Variants in PARP4 observed in about 807,000 individuals in gnomAD.
PARP4 encodes protein mono-ADP-ribosyltransferase PARP4.
A neutral mutation model predicts 187.7 loss-of-function variants in PARP4; 120 were observed. The observed-to-expected ratio is 0.64, with a 90% CI of 0.55 to 0.74. The LOEUF is 0.74. PARP4 is among the 30% of genes least tolerant of loss of function. PARP4 has a pLI of 0.00. For missense variants in PARP4, 1,836 were observed against 2,070.5 expected, an observed-to-expected ratio of 0.89 and a Z score of 2.20; for synonymous variants, 654 against 740.9, an observed-to-expected ratio of 0.88 and a Z score of 1.90.
chr13:24,442,614 T>C lies in PARP4; in HGVS notation c.3519A>G (p.Thr1173=), dbSNP rs762634422. The change falls in exon 29 of 34, where the codon ACA becomes ACG. Residue 1173 remains threonine (T), a synonymous_variant. Transcript: ENST00000381989. ...SKENSLITQF[T]SFVAVEKRDE... ...CCCTTTTCTCAACTGCCACAAAGCT[T>C]GTAAATTGTGTTATGAGAGAGTTTT... 7 of 1,593,046 alleles carry C rather than the reference T, an allele frequency of 4.4e-6. No homozygotes were observed. The South Asian group carries it at 7.7e-5, about 18-fold the overall frequency.
chr13:24,457,310 T>C (rs1282773590), intron 20 of PARP4, among the ~76,000 whole-genome samples: 1 of 152,192 alleles, frequency 6.6e-6, no homozygotes, highest in East Asian at 1.9e-4. Context: ...CCCTTTGCAA[T>C]GTGACTTTTG....
At chr13:24,475,927 G>A (rs1272663054) in intron 14 of PARP4, among the ~76,000 whole-genome samples, 2 of 151,970 alleles carry the variant, frequency 1.3e-5, no homozygotes, top group African/African-American at 4.8e-5. Flanking sequence ...TGGGACTATA[G>A]GCATGCACCA....
intron 1 of PARP4, among the ~76,000 whole-genome samples, chr13:24,504,059 G>C (rs1293089459): frequency 6.6e-6 from 1 of 152,122 alleles, no homozygotes; most frequent in Non-Finnish European, 1.5e-5. Context: ...ACAGATTTAA[G>C]TTACAGATCA....
intron 5 of PARP4, among the ~76,000 whole-genome samples, 164 bp downstream of exon 5, chr13:24,499,137 A>T (rs1233735804): frequency 6.6e-6 from 1 of 152,116 alleles, no homozygotes; most frequent in Non-Finnish European, 1.5e-5. Flanking sequence ...CACAAAAATA[A>T]ATATATAAAT....
At position 24,498,225 on chromosome 13, in the gene PARP4, C is replaced by A. The variant is rs1206480451; in HGVS notation, c.482G>T (p.Gly161Val). 6.2e-7 allele frequency: 1 copy of A among 1,610,516 alleles called. No homozygotes were observed. The highest frequency in any genetic ancestry group is 1.7e-5 in the Admixed American group (1 of 60,006). ...CACAGCTTCCTGGCCTCCCTCCATT[C>A]CCACCTGGAAAACAGGATGTGCTTT... ...VAKYNTLEKV[G>V]MEGGQEAVVV... The change falls in exon 6 of 34, where the codon GGA (glycine) becomes GTA (valine). Residue 161 changes from glycine to valine, a missense_variant. Around this residue, in one of 8 missense-constraint regions of PARP4, gnomAD observed 1,147 missense variants for 1,214.2 expected, o/e 0.94. Transcript: ENST00000381989.
At position 24,484,667 on chromosome 13, in the gene PARP4, GA is replaced by G. The variant is rs1223050061; in HGVS notation, c.1433del (p.Phe478SerfsTer28). On this transcript the variant is annotated frameshift_variant, in exon 12 of 34. Coordinates refer to ENST00000381989, the MANE Select transcript of PARP4 (RefSeq NM_006437.4). LOFTEE classifies it high-confidence loss of function. ...ATCGAACATACCTGAGCGAATCACT[GA>G]AATAAATCCCACTTCCAAGGTTTCC... ...DVGNLGSGIY[F>X]SDSLSTSIKY... is the part of the protein sequence containing the mutation. The G allele has an allele frequency of 6.2e-7, 1 of 1,608,044 alleles. No individual in the cohort carries two copies. Among genetic ancestry groups the G allele is most frequent in the African/African-American group, 1.3e-5 (1 of 74,844 alleles).
At chr13:24,436,944 G>A (rs1015619287) in intron 30 of PARP4, among the ~76,000 whole-genome samples, 1 of 152,034 alleles carries the variant, frequency 6.6e-6, no homozygotes, top group African/African-American at 2.4e-5. Context: ...CTAACCAGAG[G>A]TTAAATTTTT....
At chr13:24,474,087 C>T (rs975150003) in intron 15 of PARP4, among the ~76,000 whole-genome samples, 10 of 152,296 alleles carry the variant, frequency 6.6e-5, no homozygotes, top group African/African-American at 2.4e-4. Flanking sequence ...TGGCCCCCAA[C>T]CTGCCCTCCT....
chr13:24,480,367 C>T (rs1181517582), intron 12 of PARP4, among the ~76,000 whole-genome samples: 2 of 152,130 alleles, frequency 1.3e-5, no homozygotes, highest in Non-Finnish European at 2.9e-5. Flanking sequence ...TTAATAATAA[C>T]CCTACAGCGG....
chr13:24,502,159 G>A (rs1869335874), intron 2 of PARP4, among the ~76,000 whole-genome samples: 1 of 152,094 alleles, frequency 6.6e-6, no homozygotes, highest in Middle Eastern at 3.2e-3. Context: ...TTTCTTAGTA[G>A]TGGAAAGGGA....
At chr13:24,470,219 C>T (rs567669930) in intron 15 of PARP4, among the ~76,000 whole-genome samples, 194 bp from the exon 16 acceptor site, 25 of 152,328 alleles carry the variant, frequency 1.6e-4, no homozygotes, top group East Asian at 9.6e-4. Context: ...ACCAGTCCCA[C>T]GGTTAGGTGG....
In PARP4 at chr13:24,435,621, GA is replaced by G. The variant is rs143981238; in HGVS notation, c.3667-148del. On this transcript the variant is annotated intron_variant, in intron 30 of 33. Coordinates refer to ENST00000381989, the MANE Select transcript of PARP4 (RefSeq NM_006437.4). ...GATCATCAATGTGAGCTGGGATGTT[GA>G]AAATAACACCAGTGCTGCGTGCAGC... 4.5e-3 allele frequency: 3,858 copies of G among 855,510 alleles called. 105 individuals carry two copies. The African/African-American group carries it at 0.059, about 13-fold the overall frequency. 53.0% of individuals were successfully genotyped at this position (855,510 alleles called of 1,614,324 possible).
chr13:24,443,635 A>G lies in PARP4; in HGVS notation c.3447+15T>C, dbSNP rs1263067921. On this transcript the variant is annotated intron_variant, in intron 28 of 33. Transcript: ENST00000381989. The stretch of plus-strand genomic sequence containing the variant: ...AGAAGAATGTCTAATCATTTTTACA[A>G]TGAAAAGAACAAACCTCATGACTGG... The G allele has an allele frequency of 2.6e-6, 4 of 1,554,104 alleles. No individual in the cohort carries two copies. In the Admixed American group the frequency reaches 5.1e-5, roughly 20 times the overall value.
chr13:24,428,689 T>G (rs543092413), intron 32 of PARP4, among the ~76,000 whole-genome samples: 3 of 152,268 alleles, frequency 2.0e-5, no homozygotes, highest in Admixed American at 2.0e-4. Flanking sequence ...GCCAGGCTGG[T>G]CTCGAAATCC....
intron 3 of PARP4, among the ~76,000 whole-genome samples, chr13:24,501,268 G>A (rs1001182377): frequency 6.6e-6 from 1 of 152,138 alleles, no homozygotes; most frequent in Admixed American, 6.5e-5. Flanking sequence ...ACAATCTTTT[G>A]TTTGGAAAGA....
At position 24,478,089 on chromosome 13, in the gene PARP4, A is replaced by T. The variant is rs755202076; in HGVS notation, c.1632+4T>A. ...TCTTTGCTTCTTCCTTGAAATAAAA[A>T]TACCTCAAAGTCTGTGGTGACAGAG... is the stretch of plus-strand genomic sequence containing the variant. On this transcript the variant is annotated splice_donor_region_variant and intron_variant, in intron 13 of 33. Coordinates refer to ENST00000381989, the MANE Select transcript of PARP4 (RefSeq NM_006437.4). 6.3e-7 allele frequency: 1 copy of T among 1,577,010 alleles called. No homozygotes were observed. The highest frequency in any genetic ancestry group is 8.6e-7 in the Non-Finnish European group (1 of 1,160,480).
In PARP4 at chr13:24,452,503, G is replaced by T. The variant is rs1046351187; in HGVS notation, c.2917C>A (p.Leu973Ile). The T allele has an allele frequency of 3.1e-6, 5 of 1,614,046 alleles. No individual in the cohort carries two copies. Among genetic ancestry groups the T allele is most frequent in the Admixed American group, 1.7e-5 (1 of 60,018 alleles). The change falls in exon 24 of 34, where the codon CTC becomes ATC. Residue 973 changes from leucine to isoleucine, a missense_variant. This residue lies in a region of PARP4 where 1,147 missense variants were observed against 1,214.2 expected (regional missense o/e 0.94). Coordinates refer to ENST00000381989, the MANE Select transcript of PARP4 (RefSeq NM_006437.4). ...LYPARGSRNILLVSDGHLQDE... is the reference protein window; with the variant it reads ...LYPARGSRNIILVSDGHLQDE... ...TGGAGGTGCCCATCAGACACCAGGA[G>T]GATGTTCCGTGACCCTCGAGCAGGG...
At chr13:24,425,605 C>CTATATCTATATCTATATATA (rs139404140) in intron 33 of PARP4, among the ~76,000 whole-genome samples, 2 of 146,914 alleles carry the variant, frequency 1.4e-5, no homozygotes, top group Admixed American at 6.8e-5. Flanking sequence ...ATATCTATAT[C>CTATATCTATATCTATATATA]TATATATCTC....
In PARP4 at chr13:24,434,965, A is replaced by C. The variant is rs1870542343; in HGVS notation, c.4176T>G (p.Pro1392=). ...AAACAATGCCACAATAGGGTGAAGA[A>C]GGTGGGTTCTGGGGAGGTCCTGTGG... ...SCPTGPPQNP[P]SSPYCGIVFS... The change falls in exon 31 of 34, where the codon CCT becomes CCG. Residue 1392 remains proline, a synonymous_variant. Coordinates refer to ENST00000381989, the MANE Select transcript of PARP4 (RefSeq NM_006437.4). 1 of 1,613,826 alleles carries C rather than the reference A, an allele frequency of 6.2e-7. No homozygotes were observed. Among genetic ancestry groups the C allele is most frequent in the Non-Finnish European group, 8.5e-7 (1 of 1,179,954 alleles).
Sources: allele counts gnomAD v4.1 joint callset (sites outside exome capture counted in the v4.1 genomes callset), GRCh38; gene constraint gnomAD v4.1.1; regional missense constraint gnomAD v4.1.1; transcripts MANE v1.5; gene names NCBI Gene and HGNC (gene_info 2026-07-23, HGNC 2026-07-21).